The following LPA variants were observed in gnomAD, a reference collection of about 807,000 sequenced individuals.
LPA encodes lipoprotein(a).
LPA carries 199 observed loss-of-function variants against 197.9 expected under a neutral mutation model. That is an observed-to-expected ratio of 1.01 (90% CI 0.90 to 1.13). The LOEUF is 1.13. Ranked by LOEUF, LPA falls within the 50% of genes most tolerant of loss-of-function variation. LPA has a pLI of 0.00. For missense variants in LPA, 1,853 were observed against 1,785.8 expected (o/e 1.04, Z -0.68); for synonymous variants, 715 against 639.5 (o/e 1.12, Z -1.78).
Position 160,577,183 on chromosome 6 carries a change from A to G in LPA, c.4584T>C (p.Ser1528=), listed in dbSNP as rs776164041. The change falls in exon 28 of 39, where the codon TCT becomes TCC. Residue 1528 remains serine (S), a synonymous_variant. Coordinates refer to ENST00000316300, the MANE Select transcript of LPA (RefSeq NM_005577.4). ...VTGRTCQSWS[S]MIPHWHQRTP... ...TCCTCTGATGCCAGTGTGGTATCAT[A>G]GATGACCAAGATTGACAGGTCCTTC... The G allele has an allele frequency of 8.7e-6, 14 of 1,613,848 alleles. No homozygotes were observed. The South Asian group carries it at 1.2e-4, about 14-fold the overall frequency.
In LPA at chr6:160,611,467, A is replaced by T. The variant is rs185428308; in HGVS notation, c.2603+95T>A. The T allele has an allele frequency of 2.8e-5, 44 of 1,555,258 alleles. No individual in the cohort carries two copies. In the Admixed American group the frequency reaches 5.2e-4, roughly 18 times the overall value. On this transcript the variant is annotated intron_variant, in intron 16 of 38. Coordinates refer to ENST00000316300, the MANE Select transcript of LPA (RefSeq NM_005577.4). ...TTGCTACACCATCTGAATCTGACAC[A>T]AGTTGAGTTCGGAGAACTCAGCTTG...
At chr6:160,589,452 TGA>T in intron 24 of LPA, 99 bp downstream of exon 24, 1 of 1,370,388 alleles carries the variant, frequency 7.3e-7, no homozygotes, top group Non-Finnish European at 1.0e-6. Context: ...ATTCTGGGTC[TGA>T]GAGAAATTGG....
intron 1 of LPA, among the ~76,000 whole-genome samples, chr6:160,654,042 TAA>T (rs1780075629): frequency 1.6e-4 from 4 of 25,012 alleles, no homozygotes; most frequent in African/African-American, 9.7e-4. Context: ...ATATTATATA[TAA>T]TATATAATAT....
intron 26 of LPA, 61 bp downstream of exon 26, chr6:160,584,985 G>T: frequency 6.4e-7 from 1 of 1,557,400 alleles, no homozygotes; most frequent in Non-Finnish European, 8.8e-7. Flanking sequence ...TGTAGCATGG[G>T]CCAGCTAAGA....
intron 15 of LPA, 29 bp from the exon 16 acceptor site, chr6:160,611,750 A>G (rs750685328): frequency 2.2e-6 from 3 of 1,370,592 alleles, no homozygotes; most frequent in East Asian, 4.7e-5. Context: ...AAATAAACTG[A>G]GTATCTCTGA....
At position 160,612,967 on chromosome 6, in the gene LPA, G is replaced by GT; in HGVS notation, c.2407dup (p.Thr803AsnfsTer16). On this transcript the variant is annotated frameshift_variant, in exon 15 of 39. Coordinates refer to ENST00000316300, the MANE Select transcript of LPA (RefSeq NM_005577.4). LOFTEE classifies it high-confidence loss of function. ...AGGAGCCTCTAGGCTTGGAACCGGG[G>GT]TAACAGTCGGAGGCGCGACGGCAGT... 1 of 315,654 alleles carries GT rather than the reference G, an allele frequency of 3.2e-6. No homozygotes were observed. The highest frequency in any genetic ancestry group is 2.7e-5 in the South Asian group (1 of 37,448). The allele number at this position is 315,654 out of a possible 1,614,324, so 19.6% of individuals were successfully genotyped here. A position where few individuals can be genotyped will look rare whatever the true frequency, so the allele number is the denominator to read the frequency against.
chr6:160,576,750 C>T (rs1295619060), intron 28 of LPA, among the ~76,000 whole-genome samples: 1 of 134,882 alleles, frequency 7.4e-6, no homozygotes, highest in Non-Finnish European at 1.6e-5. Context: ...TTACTTATTA[C>T]CCATGACAAA....
chr6:160,546,301 AC>A (rs1435604381), intron 32 of LPA, among the ~76,000 whole-genome samples: 3 of 152,114 alleles, frequency 2.0e-5, no homozygotes, highest in African/African-American at 7.2e-5. Flanking sequence ...TAAAAACCCA[AC>A]AAGACTGCAC....
At chr6:160,610,916 T>C (rs1320138293) in intron 16 of LPA, among the ~76,000 whole-genome samples, 1 of 152,172 alleles carries the variant, frequency 6.6e-6, no homozygotes, top group African/African-American at 2.4e-5. Context: ...TTGTTGATTA[T>C]GGCCAAATGA....
intron 28 of LPA, among the ~76,000 whole-genome samples, chr6:160,572,429 T>C (rs1176553328): frequency 6.6e-6 from 1 of 152,234 alleles, no homozygotes; most frequent in Non-Finnish European, 1.5e-5. Flanking sequence ...TTCATCATAT[T>C]CTTTATTGCC....
At chr6:160,557,592 C>G in intron 28 of LPA, 21 bp from the exon 29 acceptor site, 1 of 1,613,586 alleles carries the variant, frequency 6.2e-7, no homozygotes, top group Non-Finnish European at 8.5e-7. Flanking sequence ...CAAAACAACA[C>G]AGGTCACAAG....
chr6:160,601,947 G>T (rs1779249670), intron 18 of LPA, among the ~76,000 whole-genome samples: 1 of 152,188 alleles, frequency 6.6e-6, no homozygotes. Context: ...AAGAGGTCGG[G>T]CAGCTATGGA....
chr6:160,654,020 A>ATATATAAT lies in LPA; in HGVS notation c.50-3524_50-3523insATTATATA, dbSNP rs1554243819. 3.4e-3 allele frequency among the ~76,000 whole-genome samples: 13 copies of ATATATAAT among 3,770 alleles called. 1 individual carries two copies. Among genetic ancestry groups the ATATATAAT allele is most frequent in the African/African-American group, 7.7e-3 (12 of 1,556 alleles). The allele number at this position is 3,770 out of a possible 152,430, so 2.5% of individuals were successfully genotyped here. ...ATTATATATAATATATATTATATAT[A>ATATATAAT]ATATATAATATATATTATATATAAT... On this transcript the variant is annotated intron_variant, in intron 1 of 38. Coordinates refer to ENST00000316300, the MANE Select transcript of LPA (RefSeq NM_005577.4).
At chr6:160,654,013 TATATATAATATATA>T (rs1468741738) in intron 1 of LPA, among the ~76,000 whole-genome samples, 1 of 19,346 alleles carries the variant, frequency 5.2e-5, no homozygotes, top group African/African-American at 5.2e-4. Flanking sequence ...TAATATATAT[TATATATAATATATA>T]ATATATATTA....
intron 22 of LPA, among the ~76,000 whole-genome samples, chr6:160,591,643 G>A (rs1448351164): frequency 6.6e-6 from 1 of 152,160 alleles, no homozygotes; most frequent in Non-Finnish European, 1.5e-5. Context: ...CTGGAGTATG[G>A]TATAGCAATG....
intron 10 of LPA, among the ~76,000 whole-genome samples, chr6:160,626,333 CAT>C (rs1554240633): frequency 7.4e-6 from 1 of 135,360 alleles, no homozygotes; most frequent in Non-Finnish European, 1.6e-5. Context: ...TATTTTCCTA[CAT>C]GTCTGTGAGG....
At position 160,593,980 on chromosome 6, in the gene LPA, T is replaced by A; in HGVS notation, c.3607A>T (p.Thr1203Ser). Residue 1203 changes from threonine to serine, a missense_variant, in exon 22 of 39, where the codon ACA becomes TCA. Around this residue, in one of 3 missense-constraint regions of LPA, gnomAD observed 1,737 missense variants for 1,504.4 expected, o/e 1.15. Transcript: ENST00000316300. The part of the protein sequence containing the change: ...SSMTPHWHQR[T>S]TEYYPNGGLT... Reference sequence around the variant, plus strand: ...TACCCATTTGGATAATATTCTGTTGTCCTCTGATGCCAGTGTGGTGTCATA... The same window carrying A: ...TACCCATTTGGATAATATTCTGTTGACCTCTGATGCCAGTGTGGTGTCATA... The A allele has an allele frequency of 6.2e-7, 1 of 1,613,920 alleles. No individual in the cohort carries two copies. The highest frequency in any genetic ancestry group is 8.5e-7 in the Non-Finnish European group (1 of 1,179,832).
chr6:160,562,758 C>G (rs571852091), intron 28 of LPA, among the ~76,000 whole-genome samples: 1 of 152,130 alleles, frequency 6.6e-6, no homozygotes, highest in Non-Finnish European at 1.5e-5. Context: ...TGTTATTGGT[C>G]TATTCAGGGA....
chr6:160,577,418 T>C (rs1335164084), intron 27 of LPA, 123 bp from the exon 28 acceptor site: 1 of 858,676 alleles, frequency 1.2e-6, no homozygotes, highest in Non-Finnish European at 1.9e-6. Context: ...TTTCTACTAG[T>C]AGCAAAAGGA....
Sources: allele counts gnomAD v4.1 joint callset (sites outside exome capture counted in the v4.1 genomes callset), GRCh38; gene constraint gnomAD v4.1.1; regional missense constraint gnomAD v4.1.1; transcripts MANE v1.5; gene names NCBI Gene and HGNC (gene_info 2026-07-23, HGNC 2026-07-21).